ADGRD1: variants seen among roughly 807,000 people sequenced by gnomAD.
The protein encoded by ADGRD1 is adhesion G protein-coupled receptor D1.
A neutral mutation model predicts 113.4 loss-of-function variants in ADGRD1; 77 were observed. The ratio of observed to expected loss-of-function variants is 0.68; its 90% CI spans 0.57 to 0.82. The LOEUF (loss-of-function observed/expected upper bound fraction) is 0.82, where lower values mean the gene tolerates loss of function less well. Among genes scored for constraint, ADGRD1 ranks in the 40% least tolerant of loss-of-function variants. The pLI is 0.00. For missense variants in ADGRD1, 1,036 were observed against 1,139.1 expected (o/e 0.91, Z 1.30); for synonymous variants, 474 against 475.0 (o/e 1.00, Z 0.03).
intron 8 of ADGRD1, chr12:130,994,377 C>G: frequency 3.4e-6 from 1 of 295,738 alleles, no homozygotes; most frequent in South Asian, 2.8e-5. Flanking sequence ...AACACTCACA[C>G]TCCGGGCACT....
chr12:131,066,810 G>A (rs1884755540), intron 13 of ADGRD1, among the ~76,000 whole-genome samples: 1 of 152,174 alleles, frequency 6.6e-6, no homozygotes, highest in East Asian at 1.9e-4. Context: ...GGCGGCGGGG[G>A]CACACCTTCA....
intron 13 of ADGRD1, among the ~76,000 whole-genome samples, chr12:131,042,657 G>A (rs549550254): frequency 2.0e-5 from 3 of 152,290 alleles, no homozygotes; most frequent in African/African-American, 7.2e-5. Context: ...GTTCGGTCCC[G>A]GTGGGGTCAC....
chr12:131,084,885 T>C lies in ADGRD1; in HGVS notation c.1671+222T>C, dbSNP rs551036299. Among the ~76,000 whole-genome samples the C allele has an allele frequency of 1.0e-3, 154 of 152,276 alleles. No individual in the cohort carries two copies. Among genetic ancestry groups the C allele is most frequent in the African/African-American group, 3.5e-3 (146 of 41,562 alleles). On this transcript the variant is annotated intron_variant, in intron 15 of 24. Coordinates refer to ENST00000261654, the MANE Select transcript of ADGRD1 (RefSeq NM_198827.5). The surrounding 1 kb of genome is among the most constrained non-coding windows in gnomAD (Gnocchi z 4.5). ...TCCGAGGAGCCCATGATTGTGTAAA[T>C]CGAGTCCAGTGTGGTGTGCTTCGCA...
intron 18 of ADGRD1, among the ~76,000 whole-genome samples, chr12:131,118,178 AGT>A (rs550882152): frequency 2.6e-5 from 4 of 152,136 alleles, no homozygotes; most frequent in South Asian, 2.1e-4. Context: ...TGTGAGTATG[AGT>A]GTGTGTGTGT....
At position 131,002,754 on chromosome 12, in the gene ADGRD1, A is replaced by T. The variant is rs1371263505; in HGVS notation, c.1027-431A>T. Reference sequence around the variant, plus strand: ...GGCACCTCGGAAGCAGCCACCCTTCATGGAGAAGGGGACAGAGCTGCTGGT... The same window carrying T: ...GGCACCTCGGAAGCAGCCACCCTTCTTGGAGAAGGGGACAGAGCTGCTGGT... On this transcript the variant is annotated intron_variant, in intron 9 of 24. Coordinates refer to ENST00000261654, the MANE Select transcript of ADGRD1 (RefSeq NM_198827.5). 3 of 1,257,974 alleles carry T rather than the reference A, an allele frequency of 2.4e-6. No individual in the cohort carries two copies. In the African/African-American group the frequency reaches 4.7e-5, roughly 20 times the overall value. 77.9% of individuals were successfully genotyped at this position (1,257,974 alleles called of 1,614,324 possible). A position where few individuals can be genotyped will look rare whatever the true frequency, so the allele number is the denominator to read the frequency against.
chr12:131,125,663 T>C (rs999520634), intron 20 of ADGRD1, among the ~76,000 whole-genome samples: 3 of 152,196 alleles, frequency 2.0e-5, no homozygotes, highest in Admixed American at 6.5e-5. Context: ...AGCATAAATA[T>C]AGATACAGAT....
At chr12:131,006,687 C>G (rs2141059) in intron 12 of ADGRD1, among the ~76,000 whole-genome samples, 132,437 of 145,640 alleles carry the variant, frequency 0.91, 61,448 homozygotes, top group East Asian at 1. Flanking sequence ...GGCGGCGAGG[C>G]TGGGGAGGAT....
chr12:131,094,038 C>G (rs1452780156), intron 15 of ADGRD1, among the ~76,000 whole-genome samples: 7 of 149,608 alleles, frequency 4.7e-5, no homozygotes, highest in Non-Finnish European at 8.9e-5. Context: ...AGCACCCAGC[C>G]TCAGTCCCCA....
intron 12 of ADGRD1, among the ~76,000 whole-genome samples, chr12:131,007,413 C>T (rs924995324): frequency 2.6e-5 from 4 of 152,248 alleles, no homozygotes; most frequent in Non-Finnish European, 1.5e-5. Context: ...CAGATCTTTG[C>T]CAGACCCTCT....
chr12:131,083,636 A>G (rs1392377173), intron 14 of ADGRD1, among the ~76,000 whole-genome samples: 2 of 152,314 alleles, frequency 1.3e-5, no homozygotes, highest in East Asian at 1.9e-4. Context: ...AAAAGAAAAT[A>G]TAGAGAAATG....
rs1871571984 is a variant in ADGRD1, at chr12:130,971,077, C to T, written c.188-381C>T. The T allele has an allele frequency of 6.4e-6, 1 of 156,470 alleles. No homozygotes were observed. The highest frequency in any genetic ancestry group is 1.4e-5 in the Non-Finnish European group (1 of 71,156). The allele number at this position is 156,470 out of a possible 1,614,324, so 9.7% of individuals were successfully genotyped here. On this transcript the variant is annotated intron_variant, in intron 3 of 24. Coordinates refer to ENST00000261654, the MANE Select transcript of ADGRD1 (RefSeq NM_198827.5). This position sits in a 1 kb window ranked among gnomAD's most constrained non-coding sequence, Gnocchi z 4.2. ...AAAGTCCAGGACAGGAGGCGGTCGCCACGCCACGCTTGGTAACCCATCTGT... is the reference window on the plus strand; with the variant it reads ...AAAGTCCAGGACAGGAGGCGGTCGCTACGCCACGCTTGGTAACCCATCTGT...
chr12:130,991,180 A>G (rs1410981426), intron 7 of ADGRD1, 102 bp downstream of exon 7: 3 of 871,996 alleles, frequency 3.4e-6, no homozygotes. Context: ...GCTCTCTGTT[A>G]TCGGCAGTAC....
chr12:131,015,746 C>T (rs1878498703), intron 13 of ADGRD1, among the ~76,000 whole-genome samples: 1 of 152,184 alleles, frequency 6.6e-6, no homozygotes, highest in Non-Finnish European at 1.5e-5. Context: ...GTGTCCCCTG[C>T]CTTGCTTCCT....
chr12:131,125,050 C>T (rs1950709111), intron 20 of ADGRD1, among the ~76,000 whole-genome samples: 1 of 152,224 alleles, frequency 6.6e-6, no homozygotes, highest in Admixed American at 6.5e-5. Context: ...TCCTCACATG[C>T]TTTTCCCTCT....
At chr12:131,012,608 G>C (rs1878069229) in intron 12 of ADGRD1, among the ~76,000 whole-genome samples, 5 of 152,356 alleles carry the variant, frequency 3.3e-5, no homozygotes, top group Admixed American at 2.6e-4. Flanking sequence ...AGACAGTGCA[G>C]AGGCCGGGGG....
rs574546189 is a variant in ADGRD1 at position 131,134,312 on chromosome 12, C to T, written c.2268-1725C>T. Among the ~76,000 whole-genome samples the T allele has an allele frequency of 2.6e-5, 4 of 152,318 alleles. No homozygotes were observed. The South Asian group carries it at 6.2e-4, about 24-fold the overall frequency. On this transcript the variant is annotated intron_variant, in intron 21 of 24. Coordinates refer to ENST00000261654, the MANE Select transcript of ADGRD1 (RefSeq NM_198827.5). The stretch of plus-strand genomic sequence containing the variant: ...CCCTGCCTAGAGCCTCCTTCAGATC[C>T]AGGGACCCCTCTTCTTCTGCTTTTG...
intron 24 of ADGRD1, 33 bp downstream of exon 24, chr12:131,138,262 G>C (rs778522451): frequency 3.2e-6 from 5 of 1,578,820 alleles, no homozygotes; most frequent in Non-Finnish European, 4.3e-6. Context: ...GAGGGTCCCA[G>C]CCCATCCTCC....
intron 9 of ADGRD1, chr12:131,002,539 G>A: frequency 1.0e-6 from 1 of 999,218 alleles, no homozygotes; most frequent in Non-Finnish European, 1.2e-6. Context: ...GAGCTCACTG[G>A]CCCAGCTCAG....
intron 3 of ADGRD1, chr12:130,970,372 T>C (rs1301814715): frequency 6.6e-6 from 1 of 152,240 alleles, no homozygotes; most frequent in Non-Finnish European, 1.5e-5. Flanking sequence ...CAACCACTAG[T>C]GATCCATTTA....
Sources: allele counts gnomAD v4.1 joint callset (sites outside exome capture counted in the v4.1 genomes callset), GRCh38; gene constraint gnomAD v4.1.1; non-coding constraint Gnocchi (gnomAD v3.1); transcripts MANE v1.5; gene names NCBI Gene and HGNC (gene_info 2026-07-23, HGNC 2026-07-21).